The following CDC42BPA variants were observed in gnomAD, a reference collection of about 807,000 sequenced individuals.
CDC42BPA encodes serine/threonine-protein kinase MRCK alpha.
CDC42BPA carries 80 observed loss-of-function variants against 223.5 expected under a neutral mutation model. That is an observed-to-expected ratio of 0.36 (90% CI 0.30 to 0.43). The LOEUF (loss-of-function observed/expected upper bound fraction) is 0.43, where lower values mean the gene tolerates loss of function less well. CDC42BPA is among the 20% of genes least tolerant of loss of function. The probability of loss-of-function intolerance (pLI) is 1.00; values close to 1 mark genes in which losing one functional copy is unlikely to be tolerated. For missense variants in CDC42BPA, 1,743 were observed against 2,099.9 expected, an observed-to-expected ratio of 0.83 and a Z score of 3.32; for synonymous variants, 694 against 718.6, an observed-to-expected ratio of 0.97 and a Z score of 0.55.
chr1:227,087,784 T>C (rs953369120), intron 16 of CDC42BPA, among the ~76,000 whole-genome samples: 1 of 152,246 alleles, frequency 6.6e-6, no homozygotes, highest in Non-Finnish European at 1.5e-5. Context: ...TTGCATTTGC[T>C]TTTTAGTATT....
chr1:227,034,664 A>G lies in CDC42BPA; in HGVS notation c.3467T>C (p.Ile1156Thr), dbSNP rs776831989. Residue 1156 changes from isoleucine to threonine, a missense_variant, in exon 26 of 37, where the codon ATT becomes ACT. Ile to Thr is a moderately conservative substitution (Grantham distance 89, BLOSUM62 -1). Around this residue, in one of 6 missense-constraint regions of CDC42BPA, gnomAD observed 678 missense variants for 777.5 expected, o/e 0.87. Coordinates refer to ENST00000366766, the MANE Select transcript of CDC42BPA (RefSeq NM_001394014.1). ...ACCTTCAAACTCTTACCTCATGTCA[A>G]TCACTTGACTAATGACAACACTGGG... Reference protein sequence around the residue: ...SQPSVVISQVIDMRDEEFSVS... With the variant: ...SQPSVVISQVTDMRDEEFSVS... The G allele has an allele frequency of 1.4e-5, 22 of 1,609,660 alleles. No homozygotes were observed. The highest frequency in any genetic ancestry group is 1.0e-4 in the Admixed American group (6 of 59,406).
At chr1:227,262,898 T>C (rs1684336562) in intron 1 of CDC42BPA, among the ~76,000 whole-genome samples, 1 of 152,196 alleles carries the variant, frequency 6.6e-6, no homozygotes, top group South Asian at 2.1e-4. Flanking sequence ...AAAGAGTTAA[T>C]GAAGGTAACA....
chr1:227,102,300 ATCGAAAAAATACTTT>A (rs780167158), intron 14 of CDC42BPA, among the ~76,000 whole-genome samples: 11 of 152,208 alleles, frequency 7.2e-5, no homozygotes, highest in Admixed American at 1.3e-4. Context: ...TTAACCATTT[ATCGAAAAAATACTTT>A]TCATGTGCCA....
At chr1:227,104,650 T>C (rs574680164) in intron 14 of CDC42BPA, among the ~76,000 whole-genome samples, 58 of 152,318 alleles carry the variant, frequency 3.8e-4, no homozygotes, top group African/African-American at 1.3e-3. Context: ...TTTTAAAATA[T>C]GGTTTTAAGA....
intron 29 of CDC42BPA, 88 bp from the exon 30 acceptor site, chr1:227,029,338 C>G: frequency 1.2e-6 from 1 of 807,204 alleles, no homozygotes; most frequent in South Asian, 1.9e-5. Flanking sequence ...AGTCAACTTA[C>G]AGATGCACAT....
intron 5 of CDC42BPA, among the ~76,000 whole-genome samples, chr1:227,177,840 G>T: frequency 6.6e-6 from 1 of 151,892 alleles, no homozygotes. Context: ...CAATCTTTTT[G>T]TCTGTTTTTC....
At chr1:227,036,388 T>C (rs920943729) in intron 24 of CDC42BPA, among the ~76,000 whole-genome samples, 5 of 150,986 alleles carry the variant, frequency 3.3e-5, no homozygotes, top group African/African-American at 9.7e-5. Context: ...GTTGGGACTA[T>C]AGGCATGAGT....
chr1:227,124,565 A>G (rs946668711), intron 11 of CDC42BPA, among the ~76,000 whole-genome samples: 2 of 152,170 alleles, frequency 1.3e-5, no homozygotes, highest in African/African-American at 4.8e-5. Context: ...TTTTTTTAAA[A>G]AAAGGGAAGG....
intron 18 of CDC42BPA, 69 bp from the exon 19 acceptor site, chr1:227,074,081 C>A: frequency 1.3e-6 from 2 of 1,528,332 alleles, no homozygotes; most frequent in Non-Finnish European, 1.8e-6. Flanking sequence ...AGTTAACCAG[C>A]TGTGTGTTAT....
At chr1:227,025,003 G>T (rs1668000610) in intron 31 of CDC42BPA, among the ~76,000 whole-genome samples, 1 of 152,170 alleles carries the variant, frequency 6.6e-6, no homozygotes, top group Non-Finnish European at 1.5e-5. Context: ...AGCACCGTGG[G>T]AGGCCGAGGC....
rs73094375 is a variant in CDC42BPA, at chr1:227,221,609, T to C, written c.271-8390A>G. 4.6e-3 allele frequency among the ~76,000 whole-genome samples: 696 copies of C among 151,460 alleles called. 8 individuals carry two copies. The highest frequency in any genetic ancestry group is 0.016 in the African/African-American group (657 of 41,292). On this transcript the variant is annotated intron_variant, in intron 2 of 36. Transcript: ENST00000366766. The stretch of plus-strand genomic sequence containing the variant: ...CAACAGAAAAATAATAGGCTTTTTT[T>C]TTTTTTTACCACATTACTATATGCT...
chr1:227,100,849 T>A (rs1684928779), intron 15 of CDC42BPA, 143 bp downstream of exon 15: 1 of 574,848 alleles, frequency 1.7e-6, no homozygotes, highest in Non-Finnish European at 3.0e-6. Context: ...TCTATCATGC[T>A]GTATTATAAT....
At chr1:227,016,706 G>C (rs926910266) in intron 33 of CDC42BPA, among the ~76,000 whole-genome samples, 3 of 152,122 alleles carry the variant, frequency 2.0e-5, no homozygotes, top group African/African-American at 7.2e-5. Context: ...TGAATGAAGT[G>C]AATAAAAATA....
chr1:227,031,963 TA>T (rs1455864044), intron 27 of CDC42BPA, among the ~76,000 whole-genome samples: 1 of 152,198 alleles, frequency 6.6e-6, no homozygotes, highest in Admixed American at 6.5e-5. Flanking sequence ...GCAAAGAAAT[TA>T]AATCATTTCT....
intron 14 of CDC42BPA, among the ~76,000 whole-genome samples, chr1:227,106,110 T>C (rs1432211015): frequency 6.6e-6 from 1 of 152,176 alleles, no homozygotes. Flanking sequence ...ACTTTCTTTT[T>C]CTTTCTTTTT....
intron 35 of CDC42BPA, among the ~76,000 whole-genome samples, chr1:227,002,033 C>T (rs1483846487): frequency 6.6e-6 from 1 of 152,212 alleles, no homozygotes; most frequent in Non-Finnish European, 1.5e-5. Flanking sequence ...TACATTTATT[C>T]CTATATTTAC....
At chr1:227,120,550 T>C (rs1460292015) in intron 11 of CDC42BPA, among the ~76,000 whole-genome samples, 1 of 152,200 alleles carries the variant, frequency 6.6e-6, no homozygotes, top group African/African-American at 2.4e-5. Flanking sequence ...CCAGGAAATC[T>C]TGCACTGACT....
At chr1:227,149,959 C>T (rs1661414364) in intron 6 of CDC42BPA, among the ~76,000 whole-genome samples, 2 of 152,132 alleles carry the variant, frequency 1.3e-5, no homozygotes, top group South Asian at 4.1e-4. Flanking sequence ...CGCAGTGGCT[C>T]ACACCAGTAA....
intron 21 of CDC42BPA, among the ~76,000 whole-genome samples, chr1:227,060,048 T>G (rs1159579923): frequency 1.4e-5 from 2 of 147,306 alleles, no homozygotes; most frequent in Non-Finnish European, 3.0e-5. Flanking sequence ...TTTTTTTTTT[T>G]GAGACGGGAG....
Sources: allele counts gnomAD v4.1 joint callset (sites outside exome capture counted in the v4.1 genomes callset), GRCh38; gene constraint gnomAD v4.1.1; regional missense constraint gnomAD v4.1.1; transcripts MANE v1.5; gene names NCBI Gene and HGNC (gene_info 2026-07-23, HGNC 2026-07-21).